Variants in OR52E5 observed in about 807,000 individuals in gnomAD.
OR52E5 encodes olfactory receptor 52E5.
chr11:5,897,669 T>C (rs117616403), intron 2 of OR52E5, among the ~76,000 whole-genome samples: 2,490 of 152,326 alleles, frequency 0.016, 27 homozygotes, highest in Middle Eastern at 0.051. Context: ...ATAATGATAG[T>C]TCTATTTTTA....
intron 2 of OR52E5, among the ~76,000 whole-genome samples, chr11:5,896,246 TAAAAAAA>T (rs56197568): frequency 1.9e-4 from 10 of 53,546 alleles, no homozygotes; most frequent in East Asian, 1.3e-3. Flanking sequence ...TCGTCTCTAC[TAAAAAAA>T]AAAAAAAAAA....
chr11:5,897,484 T>C (rs1209562835), intron 2 of OR52E5, among the ~76,000 whole-genome samples: 2 of 152,248 alleles, frequency 1.3e-5, no homozygotes, highest in African/African-American at 4.8e-5. Context: ...GGCTGTGTAC[T>C]TTTCTATGGT....
intron 2 of OR52E5, among the ~76,000 whole-genome samples, chr11:5,897,853 G>A (rs1847196848): frequency 6.6e-6 from 1 of 151,666 alleles, no homozygotes; most frequent in South Asian, 2.1e-4. Flanking sequence ...TTTTGTTTTT[G>A]TTGTTGTTTG....
chr11:5,901,091 C>T lies in OR52E5; in HGVS notation c.315C>T (p.Thr105=), dbSNP rs1847244333. 1 of 401,440 alleles carries T rather than the reference C, an allele frequency of 2.5e-6. No individual in the cohort carries two copies. Among genetic ancestry groups the T allele is most frequent in the Non-Finnish European group, 4.4e-6 (1 of 226,310 alleles). 24.9% of individuals were successfully genotyped at this position (401,440 alleles called of 1,614,324 possible). ...AFGACITQMY[T]IHICTGLESV... is the part of the protein sequence containing the mutation. ...GTGCCTGCATCACACAGATGTATAC[C>T]ATTCATATATGCACTGGCCTGGAGT... is the stretch of plus-strand genomic sequence containing the variant. Residue 105 remains threonine, a synonymous_variant, in exon 3 of 3, where the codon ACC becomes ACT. Coordinates refer to ENST00000610445, the MANE Select transcript of OR52E5 (RefSeq NM_001005166.5).
intron 1 of OR52E5, among the ~76,000 whole-genome samples, chr11:5,894,461 A>C (rs1414942061): frequency 1.3e-5 from 2 of 152,220 alleles, no homozygotes; most frequent in East Asian, 3.8e-4. Flanking sequence ...ATAATCTTGA[A>C]ATAAGCAGAT....
At chr11:5,897,453 A>C (rs899082613) in intron 2 of OR52E5, among the ~76,000 whole-genome samples, 4 of 152,200 alleles carry the variant, frequency 2.6e-5, no homozygotes, top group Admixed American at 6.5e-5. Context: ...TATTGCTGCA[A>C]GGGACATTAT....
intron 1 of OR52E5, among the ~76,000 whole-genome samples, chr11:5,893,590 A>G (rs1847133442): frequency 6.6e-6 from 1 of 152,134 alleles, no homozygotes; most frequent in Non-Finnish European, 1.5e-5. Flanking sequence ...CATGAAGATG[A>G]GAAGGATGTT....
At chr11:5,897,582 T>C (rs1253754485) in intron 2 of OR52E5, among the ~76,000 whole-genome samples, 1 of 152,244 alleles carries the variant, frequency 6.6e-6, no homozygotes, top group African/African-American at 2.4e-5. Context: ...AGTGCTGTGA[T>C]AAGCAAATCA....
intron 1 of OR52E5, among the ~76,000 whole-genome samples, chr11:5,894,123 AT>A (rs1306344811): frequency 6.6e-6 from 1 of 152,234 alleles, no homozygotes; most frequent in Non-Finnish European, 1.5e-5. Context: ...GGATCCTGGC[AT>A]TAAAAAAATC....
At chr11:5,894,469 G>C (rs962225255) in intron 1 of OR52E5, among the ~76,000 whole-genome samples, 1 of 152,140 alleles carries the variant, frequency 6.6e-6, no homozygotes, top group Non-Finnish European at 1.5e-5. Flanking sequence ...GAAATAAGCA[G>C]ATTGAGGCAG....
In OR52E5 at chr11:5,901,496, T is replaced by C; in HGVS notation, c.720T>C (p.Cys240=). 1 of 401,864 alleles carries C rather than the reference T, an allele frequency of 2.5e-6. No individual in the cohort carries two copies. The highest frequency in any genetic ancestry group is 4.4e-6 in the Non-Finnish European group (1 of 226,402). 24.9% of individuals were successfully genotyped at this position (401,864 alleles called of 1,614,324 possible). A position where few individuals can be genotyped will look rare whatever the true frequency, so the allele number is the denominator to read the frequency against. ...WDARPKALST[C]GSHVCVMLAF... ...CCCGGCCTAAGGCACTCAGCACATG[T>C]GGCTCTCACGTCTGTGTTATGTTGG... The change falls in exon 3 of 3, where the codon TGT becomes TGC. Residue 240 remains cysteine, a synonymous_variant. Coordinates refer to ENST00000610445, the MANE Select transcript of OR52E5 (RefSeq NM_001005166.5).
At chr11:5,898,108 C>G (rs1401418436) in intron 2 of OR52E5, among the ~76,000 whole-genome samples, 1 of 152,010 alleles carries the variant, frequency 6.6e-6, no homozygotes, top group Non-Finnish European at 1.5e-5. Flanking sequence ...ATCCTCCCAC[C>G]TCGGCCTCCC....
rs566062183 is a variant in OR52E5, at chr11:5,895,179, T to A, written c.-227-453T>A. Among the ~76,000 whole-genome samples, 71 of 152,260 alleles carry A rather than the reference T, an allele frequency of 4.7e-4. 1 individual carries two copies. In the South Asian group the frequency reaches 6.8e-3, roughly 15 times the overall value. On this transcript the variant is annotated intron_variant, in intron 1 of 2. Coordinates refer to ENST00000610445, the MANE Select transcript of OR52E5 (RefSeq NM_001005166.5). ...AAATGGCTGTGACAATGTCAGGAAA[T>A]TCAAAGTCCTACACCAAAATTACTT...
rs115051883 is a variant in OR52E5 at position 5,900,983 on chromosome 11, C to A, written c.207C>A (p.Ala69=). The A allele has an allele frequency of 2.5e-6, 1 of 401,948 alleles. No individual in the cohort carries two copies. Among genetic ancestry groups the A allele is most frequent in the Non-Finnish European group, 4.4e-6 (1 of 226,324 alleles). The allele number at this position is 401,948 out of a possible 1,614,324, so 24.9% of individuals were successfully genotyped here. A position where few individuals can be genotyped will look rare whatever the true frequency, so the allele number is the denominator to read the frequency against. Residue 69 remains alanine (A), a synonymous_variant, in exon 3 of 3, where the codon GCC becomes GCA. Coordinates refer to ENST00000610445, the MANE Select transcript of OR52E5 (RefSeq NM_001005166.5). ...TGTTTTACTTCCTAGCCATGTTGGC[C>A]GGCACTGATCTGGGCTTGTCTACAG... The part of the protein sequence containing the change: ...QPMFYFLAML[A]GTDLGLSTAT...
At chr11:5,896,270 A>G (rs1278135587) in intron 2 of OR52E5, among the ~76,000 whole-genome samples, 1 of 146,894 alleles carries the variant, frequency 6.8e-6, no homozygotes, top group Non-Finnish European at 1.5e-5. Flanking sequence ...AAAAAAAAAA[A>G]ATTAGCCGGG....
chr11:5,893,798 T>A (rs11039488), intron 1 of OR52E5, among the ~76,000 whole-genome samples: 1 of 151,670 alleles, frequency 6.6e-6, no homozygotes, highest in Admixed American at 6.6e-5. Context: ...CTAGATAATA[T>A]AGAAATACAA....
chr11:5,896,795 TTGAG>T (rs1423945205), intron 2 of OR52E5, among the ~76,000 whole-genome samples: 3 of 152,204 alleles, frequency 2.0e-5, no homozygotes, highest in African/African-American at 7.2e-5. Flanking sequence ...GCAGTAGCTA[TTGAG>T]TAAGATATAG....
At chr11:5,895,391 T>G (rs1426942238) in intron 1 of OR52E5, among the ~76,000 whole-genome samples, 1 of 152,218 alleles carries the variant, frequency 6.6e-6, no homozygotes, top group African/African-American at 2.4e-5. Context: ...TTCCTTTGGC[T>G]GATTTTTCTC....
chr11:5,894,475 G>C (rs1564995579), intron 1 of OR52E5, among the ~76,000 whole-genome samples: 3 of 152,102 alleles, frequency 2.0e-5, no homozygotes. Flanking sequence ...AGCAGATTGA[G>C]GCAGGCTATG....
Sources: gnomAD v4.1 joint callset for allele counts (sites outside exome capture counted in the v4.1 genomes callset) on GRCh38, gnomAD v4.1.1 for gene constraint, MANE v1.5 for transcripts, NCBI Gene and HGNC (gene_info 2026-07-23, HGNC 2026-07-21) for gene names.